The following SOX5 variants were observed in gnomAD, a reference collection of about 807,000 sequenced individuals.
SOX5 encodes the protein SRY-box transcription factor 5.
A neutral mutation model predicts 92.0 loss-of-function variants in SOX5; 9 were observed. The ratio of observed to expected loss-of-function variants is 0.10; its 90% CI spans 0.06 to 0.17. The LOEUF (loss-of-function observed/expected upper bound fraction) is 0.17. SOX5 is among the 10% of genes least tolerant of loss of function. SOX5 has a pLI of 1.00. For missense variants in SOX5, 642 were observed against 944.5 expected, an observed-to-expected ratio of 0.68 and a Z score of 4.20; for synonymous variants, 344 against 336.3, an observed-to-expected ratio of 1.02 and a Z score of -0.25.
At chr12:23,700,551 T>C (rs912453540) in intron 6 of SOX5, among the ~76,000 whole-genome samples, 1 of 152,006 alleles carries the variant, frequency 6.6e-6, no homozygotes, top group Non-Finnish European at 1.5e-5. Flanking sequence ...CAATTTGGGG[T>C]ATGGGAAGCA....
At chr12:24,512,547 G>A (rs1949416852) in intron 1 of SOX5, among the ~76,000 whole-genome samples, 1 of 152,190 alleles carries the variant, frequency 6.6e-6, no homozygotes, top group South Asian at 2.1e-4. Flanking sequence ...TATCTTGGCA[G>A]ACTATGTACC....
chr12:23,564,304 T>C lies in SOX5; in HGVS notation c.1343-901A>G, dbSNP rs377273537. On this transcript the variant is annotated intron_variant, in intron 10 of 14. Transcript: ENST00000451604. ...GATCTGCATGACATTAGACGTACGT[T>C]AGTACTGAGGGAAAAAGATTGTTTT... 2.0e-5 allele frequency among the ~76,000 whole-genome samples: 3 copies of C among 152,246 alleles called. No homozygotes were observed. In the East Asian group the frequency reaches 5.8e-4, roughly 29 times the overall value.
chr12:24,307,063 T>A (rs749129505), intron 2 of SOX5, among the ~76,000 whole-genome samples: 2 of 151,842 alleles, frequency 1.3e-5, no homozygotes, highest in Non-Finnish European at 2.9e-5. Context: ...CAAAACCCCA[T>A]CTCTACAAAA....
chr12:24,041,765 A>G (rs889561058), intron 4 of SOX5, among the ~76,000 whole-genome samples: 5 of 152,148 alleles, frequency 3.3e-5, no homozygotes, highest in African/African-American at 1.2e-4. Context: ...TAAAAAGTAG[A>G]TAATAACATT....
At chr12:24,157,169 T>C (rs966018638) in intron 4 of SOX5, among the ~76,000 whole-genome samples, 1 of 152,136 alleles carries the variant, frequency 6.6e-6, no homozygotes, top group Non-Finnish European at 1.5e-5. Flanking sequence ...AGCATTTCTA[T>C]GGTATCGTGG....
At chr12:24,155,688 T>C (rs573190738) in intron 4 of SOX5, among the ~76,000 whole-genome samples, 1 of 151,728 alleles carries the variant, frequency 6.6e-6, no homozygotes, top group African/African-American at 2.4e-5. Flanking sequence ...ACACAAAAGA[T>C]AAAGTAAGGT....
intron 4 of SOX5, among the ~76,000 whole-genome samples, chr12:24,163,427 GA>G: frequency 2.0e-5 from 3 of 151,832 alleles, no homozygotes; most frequent in Admixed American, 2.0e-4. Context: ...TACTGTATTA[GA>G]AAAGATCAAA....
chr12:23,927,872 C>A (rs1426382354), intron 1 of SOX5, among the ~76,000 whole-genome samples: 6 of 152,096 alleles, frequency 3.9e-5, no homozygotes, highest in Admixed American at 2.0e-4. Context: ...ACATAGAGAT[C>A]CTCACAAAGT....
intron 1 of SOX5, among the ~76,000 whole-genome samples, chr12:23,897,247 G>GT (rs1390307579): frequency 6.6e-6 from 1 of 152,050 alleles, no homozygotes; most frequent in African/African-American, 2.4e-5. Context: ...TTTAAAGTGT[G>GT]TTCCCCCAAA....
chr12:24,352,502 G>C (rs541980816), intron 2 of SOX5, among the ~76,000 whole-genome samples: 1 of 152,134 alleles, frequency 6.6e-6, no homozygotes, highest in Non-Finnish European at 1.5e-5. Context: ...CAGGGCTGGC[G>C]GCGGCTAGAG....
intron 4 of SOX5, among the ~76,000 whole-genome samples, chr12:23,977,434 C>G (rs1385364057): frequency 6.6e-6 from 1 of 152,102 alleles, no homozygotes; most frequent in Non-Finnish European, 1.5e-5. Context: ...CTTTGGGAGG[C>G]CAAGGTTGGC....
At chr12:23,658,524 A>G (rs767584215) in intron 7 of SOX5, among the ~76,000 whole-genome samples, 10 of 152,210 alleles carry the variant, frequency 6.6e-5, no homozygotes, top group Non-Finnish European at 8.8e-5. Flanking sequence ...AGGATCTCCC[A>G]AAGTCATCGG....
At chr12:24,368,888 C>G (rs1021058276) in intron 1 of SOX5, among the ~76,000 whole-genome samples, 6 of 152,170 alleles carry the variant, frequency 3.9e-5, no homozygotes, top group Admixed American at 3.3e-4. Flanking sequence ...TCATTATACT[C>G]TTTCAGTTTT....
chr12:24,112,153 T>C (rs1947424394), intron 4 of SOX5, among the ~76,000 whole-genome samples: 2 of 152,214 alleles, frequency 1.3e-5, no homozygotes, highest in Non-Finnish European at 2.9e-5. Context: ...ATGATTTTGC[T>C]ATTGGAATGG....
intron 2 of SOX5, among the ~76,000 whole-genome samples, chr12:24,301,425 T>A (rs901669403): frequency 5.9e-5 from 9 of 152,222 alleles, no homozygotes; most frequent in Non-Finnish European, 1.0e-4. Context: ...ATATACTACA[T>A]ATAATCATGA....
At position 24,050,868 on chromosome 12, in the gene SOX5, G is replaced by C. The variant is rs966371890; in HGVS notation, c.-1-154844C>G. 5.9e-5 allele frequency among the ~76,000 whole-genome samples: 9 copies of C among 152,084 alleles called. No homozygotes were observed. The East Asian group carries it at 1.7e-3, about 29-fold the overall frequency. ...TCTTATTATTATTATTATTTGGAGAGGTCTCCTTCTAGGCTAAATCCCTAG... is the reference window on the plus strand; with the variant it reads ...TCTTATTATTATTATTATTTGGAGACGTCTCCTTCTAGGCTAAATCCCTAG... On this transcript the variant is annotated intron_variant, in intron 4 of 4. Coordinates refer to the SOX5 transcript ENST00000446891.
At chr12:24,083,941 C>T (rs148101194) in intron 4 of SOX5, among the ~76,000 whole-genome samples, 14 of 151,648 alleles carry the variant, frequency 9.2e-5, no homozygotes, top group Admixed American at 2.6e-4. Context: ...TCGTGTGGGA[C>T]GAGATAGAGA....
intron 1 of SOX5, among the ~76,000 whole-genome samples, chr12:23,939,501 T>C (rs536113235): frequency 2.8e-4 from 42 of 151,070 alleles, no homozygotes; most frequent in African/African-American, 9.7e-4. Context: ...GTAAAAAAAA[T>C]TAATTTTAAC....
intron 4 of SOX5, among the ~76,000 whole-genome samples, chr12:23,958,488 A>G (rs980865011): frequency 1.3e-5 from 2 of 152,052 alleles, no homozygotes; most frequent in African/African-American, 4.8e-5. Context: ...TAATTTTCAC[A>G]CAGATTAATT....
Sources: gnomAD v4.1 joint callset for allele counts (sites outside exome capture counted in the v4.1 genomes callset) on GRCh38, gnomAD v4.1.1 for gene constraint, MANE v1.5 for transcripts, NCBI Gene and HGNC (gene_info 2026-07-23, HGNC 2026-07-21) for gene names.